Variants in NWD1 observed in about 807,000 individuals in gnomAD.
NWD1 encodes the protein NACHT and WD repeat domain containing 1.
In NWD1, 129 loss-of-function variants were observed where a neutral mutation model predicts 135.1. The observed-to-expected ratio is 0.96, with a 90% CI of 0.83 to 1.11. The LOEUF (loss-of-function observed/expected upper bound fraction) is 1.11, where lower values mean the gene tolerates loss of function less well. Ranked by LOEUF, NWD1 falls within the 50% of genes least tolerant of loss-of-function variation. The probability of loss-of-function intolerance (pLI) is 0.00; values close to 1 mark genes in which losing one functional copy is unlikely to be tolerated. For missense variants in NWD1, 1,740 were observed against 1,851.3 expected (o/e 0.94, Z 1.10); for synonymous variants, 773 against 786.0 (o/e 0.98, Z 0.28).
intron 6 of NWD1, among the ~76,000 whole-genome samples, chr19:16,754,506 A>G (rs59127289): frequency 0.11 from 13,244 of 122,024 alleles, 1,016 homozygotes; most frequent in African/African-American, 0.26. Flanking sequence ...CCATCCATCC[A>G]TCATCTCTAT....
rs371938960 is a variant in NWD1, at chr19:16,750,272, C to G, written c.1630C>G (p.Arg544Gly). 2 of 1,613,580 alleles carry G rather than the reference C, an allele frequency of 1.2e-6. No individual in the cohort carries two copies. The highest frequency in any genetic ancestry group is 1.7e-6 in the Non-Finnish European group (2 of 1,179,878). ...GCTGAGGCTGGCGTTTGAGGAAGCC[C>G]GGAAATGGGCCTCTTTCACCGTGCC... ...GRLRLAFEEA[R>G]KWASFTVPVP... The change falls in exon 6 of 19, where the codon CGG (arginine) becomes GGG (glycine). Residue 544 changes from arginine to glycine, a missense_variant. Transcript: ENST00000524140.
At chr19:16,810,047 TTG>T in intron 18 of NWD1, among the ~76,000 whole-genome samples, 1 of 152,252 alleles carries the variant, frequency 6.6e-6, no homozygotes, top group African/African-American at 2.4e-5. Flanking sequence ...AAGGATTTTT[TTG>T]TGTGTGTGTT....
intron 6 of NWD1, among the ~76,000 whole-genome samples, chr19:16,752,904 C>T (rs570938462): frequency 3.3e-5 from 5 of 152,254 alleles, no homozygotes; most frequent in South Asian, 2.1e-4. Context: ...GAGGCTGAGG[C>T]AGGAGGATTT....
At chr19:16,803,556 T>C (rs1970664135) in intron 17 of NWD1, among the ~76,000 whole-genome samples, 1 of 152,024 alleles carries the variant, frequency 6.6e-6, no homozygotes, top group Non-Finnish European at 1.5e-5. Flanking sequence ...GATTTTAACA[T>C]AGGAATTTGT....
At chr19:16,745,777 T>C (rs913828164) in intron 5 of NWD1, among the ~76,000 whole-genome samples, 13 of 151,456 alleles carry the variant, frequency 8.6e-5, no homozygotes, top group Non-Finnish European at 1.8e-4. Context: ...ATTAGCTAGG[T>C]ATAGTGGTGC....
chr19:16,749,394 T>C lies in NWD1; in HGVS notation c.752T>C (p.Val251Ala), dbSNP rs1320025938. Reference sequence around the variant, plus strand: ...CGCCTGCCGTGGAGCCGCGACTTGGTGAACCCCAAGAACAAGACTCACGCC... The same window carrying C: ...CGCCTGCCGTGGAGCCGCGACTTGGCGAACCCCAAGAACAAGACTCACGCC... ...THRLPWSRDL[V>A]NPKNKTHACY... is the part of the protein sequence containing the mutation. Residue 251 changes from valine (V) to alanine (A), a missense_variant, in exon 6 of 19, where the codon GTG (valine) becomes GCG (alanine). By Grantham distance (64) the Val-to-Ala change is moderately conservative. Coordinates refer to ENST00000524140, the MANE Select transcript of NWD1 (RefSeq NM_001007525.5). 1.2e-6 allele frequency: 2 copies of C among 1,613,912 alleles called. No homozygotes were observed. The highest frequency in any genetic ancestry group is 1.7e-6 in the Non-Finnish European group (2 of 1,179,886).
chr19:16,745,679 G>A (rs142623081), intron 5 of NWD1, among the ~76,000 whole-genome samples: 3,004 of 152,202 alleles, frequency 0.02, 91 homozygotes, highest in African/African-American at 0.065. Context: ...GGCAGAGGCT[G>A]TGGTAAGCCA....
At chr19:16,785,261 T>C (rs11882503) in intron 12 of NWD1, among the ~76,000 whole-genome samples, 71,816 of 152,004 alleles carry the variant, frequency 0.47, 19,519 homozygotes, top group African/African-American at 0.75. Flanking sequence ...CATGTAATCC[T>C]AGCAGTTTGG....
At chr19:16,757,584 C>T (rs1968845577) in intron 6 of NWD1, among the ~76,000 whole-genome samples, 1 of 152,202 alleles carries the variant, frequency 6.6e-6, no homozygotes, top group South Asian at 2.1e-4. Context: ...GATGACCATG[C>T]ACAGCCCTGT....
In NWD1 at chr19:16,815,530, C is replaced by T. The variant is rs190567880; in HGVS notation, c.*491C>T. The T allele has an allele frequency of 1.8e-6, 1 of 541,876 alleles. No homozygotes were observed. The highest frequency in any genetic ancestry group is 3.1e-5 in the East Asian group (1 of 31,954). 33.6% of individuals were successfully genotyped at this position (541,876 alleles called of 1,614,324 possible). A position where few individuals can be genotyped will look rare whatever the true frequency, so the allele number is the denominator to read the frequency against. On this transcript the variant is annotated 3_prime_UTR_variant, in exon 19 of 19. Coordinates refer to ENST00000524140, the MANE Select transcript of NWD1 (RefSeq NM_001007525.5). ...TTTTCATTCTCAGACTTGCCACCCC[C>T]AGGTTAGCAACATGGTGGCCAATAT...
chr19:16,758,093 A>G (rs1968866292), intron 6 of NWD1, among the ~76,000 whole-genome samples: 1 of 152,000 alleles, frequency 6.6e-6, no homozygotes, highest in African/African-American at 2.4e-5. Context: ...AGTGTTGGGT[A>G]TGACATTATT....
rs1971043745 is a variant in NWD1, at chr19:16,815,466, G to A, written c.*427G>A. ...GCTTCAGATTATGGCTTCAGACCTT[G>A]TCTCTTCTCATCTTTCCATTATTCT... On this transcript the variant is annotated 3_prime_UTR_variant, in exon 19 of 19. Transcript: ENST00000524140. 5.1e-6 allele frequency: 3 copies of A among 589,470 alleles called. No individual in the cohort carries two copies. The South Asian group carries it at 6.5e-5, about 13-fold the overall frequency. 36.5% of individuals were successfully genotyped at this position (589,470 alleles called of 1,614,324 possible).
At chr19:16,751,634 C>A (rs1041433810) in intron 6 of NWD1, among the ~76,000 whole-genome samples, 6 of 151,804 alleles carry the variant, frequency 4.0e-5, no homozygotes. Context: ...AACCTCATCT[C>A]AACTAAGAAT....
In NWD1 at chr19:16,749,500, G is replaced by C; in HGVS notation, c.858G>C (p.Thr286=). 6.2e-7 allele frequency: 1 copy of C among 1,610,960 alleles called. No homozygotes were observed. The highest frequency in any genetic ancestry group is 8.5e-7 in the Non-Finnish European group (1 of 1,177,432). ...TCACACGCCTCCGTGAGCTGGATAC[G>C]GCCGGACAGGAGTTGGCGTGGCTCT... ...QVLTRLRELD[T]AGQELAWLYQ... Residue 286 remains threonine, a synonymous_variant, in exon 6 of 19, where the codon ACG becomes ACC. Transcript: ENST00000524140.
At chr19:16,722,874 A>G (rs1967189610) in intron 1 of NWD1, among the ~76,000 whole-genome samples, 1 of 152,028 alleles carries the variant, frequency 6.6e-6, no homozygotes, top group South Asian at 2.1e-4. Flanking sequence ...AACTCCCAAT[A>G]AAAACCCCGG....
intron 5 of NWD1, 48 bp from the exon 6 acceptor site, chr19:16,749,091 T>C: frequency 6.8e-7 from 1 of 1,471,218 alleles, no homozygotes; most frequent in Non-Finnish European, 9.2e-7. Context: ...GGTCAGCTGC[T>C]GACCCAATAA....
rs764596993 is a variant in NWD1, at chr19:16,763,196, G to A, written c.2134-632G>A. 2.6e-5 allele frequency among the ~76,000 whole-genome samples: 4 copies of A among 151,572 alleles called. No individual in the cohort carries two copies. In the East Asian group the frequency reaches 5.8e-4, roughly 22 times the overall value. ...GCTTCATCCTGCCTCTCCAGGACAT[G>A]GTCTGAGCCCCTTTCATTCACCTAG... On this transcript the variant is annotated intron_variant, in intron 8 of 18. Transcript: ENST00000524140.
At chr19:16,786,096 C>T (rs1442377172) in intron 12 of NWD1, among the ~76,000 whole-genome samples, 1 of 152,120 alleles carries the variant, frequency 6.6e-6, no homozygotes, top group Non-Finnish European at 1.5e-5. Flanking sequence ...AACCCCTGAC[C>T]TCAACTGATT....
chr19:16,762,390 A>G lies in NWD1; in HGVS notation c.2133+252A>G, dbSNP rs1454134085. 2.9e-5 allele frequency among the ~76,000 whole-genome samples: 4 copies of G among 137,240 alleles called. No homozygotes were observed. In the East Asian group the frequency reaches 8.6e-4, roughly 29 times the overall value. 90.0% of individuals were successfully genotyped at this position (137,240 alleles called of 152,430 possible). A position where few individuals can be genotyped will look rare whatever the true frequency, so the allele number is the denominator to read the frequency against. On this transcript the variant is annotated intron_variant, in intron 8 of 18. Coordinates refer to ENST00000524140, the MANE Select transcript of NWD1 (RefSeq NM_001007525.5). Reference sequence around the variant, plus strand: ...CAGCTCACTGCAACCTCTGCCTCCCAGGTTCAAGCCATTTTCCTGCCTCAG... The same window carrying G: ...CAGCTCACTGCAACCTCTGCCTCCCGGGTTCAAGCCATTTTCCTGCCTCAG...
Sources: allele counts gnomAD v4.1 joint callset (sites outside exome capture counted in the v4.1 genomes callset), GRCh38; gene constraint gnomAD v4.1.1; transcripts MANE v1.5; gene names NCBI Gene and HGNC (gene_info 2026-07-23, HGNC 2026-07-21).